GABRA2: variants seen among roughly 807,000 people sequenced by gnomAD.
GABRA2 encodes the protein gamma-aminobutyric acid type A receptor subunit alpha2.
In GABRA2, 16 loss-of-function variants were observed where a neutral mutation model predicts 48.7. That is an observed-to-expected ratio of 0.33 (90% CI 0.22 to 0.50). GABRA2 has a LOEUF of 0.50. GABRA2 is among the 20% of genes least tolerant of loss of function. GABRA2 has a pLI of 0.98. For missense variants in GABRA2, 275 were observed against 535.6 expected, an observed-to-expected ratio of 0.51 and a Z score of 4.80; for synonymous variants, 185 against 184.5, an observed-to-expected ratio of 1.00 and a Z score of -0.02.
Position 46,389,802 on chromosome 4 carries a change from G to GGAGAGAGAGAGAGAGAGAGA in GABRA2, c.-98_-79dup, listed in dbSNP as rs11503017. The GGAGAGAGAGAGAGAGAGAGA allele has an allele frequency of 7.5e-6, 2 of 268,270 alleles. No individual in the cohort carries two copies. The highest frequency in any genetic ancestry group is 5.3e-4 in the East Asian group (1 of 1,892). The allele number at this position is 268,270 out of a possible 1,614,324, so 16.6% of individuals were successfully genotyped here. A position where few individuals can be genotyped will look rare whatever the true frequency, so the allele number is the denominator to read the frequency against. ...TGATCTTGACGAGATAGGAAACTTG[G>GGAGAGAGAGAGAGAGAGAGA]GAGAGAGAGAGAGAGAGAGAGAGAG... On this transcript the variant is annotated 5_prime_UTR_variant, in exon 1 of 10. Coordinates refer to ENST00000381620, the MANE Select transcript of GABRA2 (RefSeq NM_000807.4).
chr4:46,341,525 CTAA>C (rs1489201645), intron 3 of GABRA2, among the ~76,000 whole-genome samples: 1 of 151,932 alleles, frequency 6.6e-6, no homozygotes, highest in Non-Finnish European at 1.5e-5. Flanking sequence ...GAAGTCTCTG[CTAA>C]TAATAGCAGT....
At chr4:46,381,091 C>T (rs1716694519) in intron 3 of GABRA2, among the ~76,000 whole-genome samples, 1 of 152,144 alleles carries the variant, frequency 6.6e-6, no homozygotes, top group South Asian at 2.1e-4. Context: ...AAGCATGGTG[C>T]TCAATCTAGA....
In GABRA2 at chr4:46,247,566, A is replaced by G. The variant is rs1388278814; in HGVS notation, c.*2742T>C. On this transcript the variant is annotated 3_prime_UTR_variant, in exon 10 of 10. Coordinates refer to ENST00000381620, the MANE Select transcript of GABRA2 (RefSeq NM_000807.4). ...ATTATATCTCTATATATGTACATGT[A>G]TTTATCTACATTTTGTACATACCAT... Among the ~76,000 whole-genome samples the G allele has an allele frequency of 6.6e-6, 1 of 151,200 alleles. No individual in the cohort carries two copies. The highest frequency in any genetic ancestry group is 2.4e-5 in the African/African-American group (1 of 41,336).
intron 4 of GABRA2, among the ~76,000 whole-genome samples, chr4:46,321,200 C>T (rs1237647244): frequency 6.6e-6 from 1 of 151,760 alleles, no homozygotes; most frequent in Admixed American, 6.6e-5. Context: ...TGTTTGAATA[C>T]ATAGAATAAA....
At chr4:46,275,818 G>A (rs1720382563) in intron 8 of GABRA2, among the ~76,000 whole-genome samples, 1 of 151,944 alleles carries the variant, frequency 6.6e-6, no homozygotes, top group African/African-American at 2.4e-5. Context: ...CATCATTAGA[G>A]AATTTTTATC....
At chr4:46,267,240 C>T (rs1718431742) in intron 8 of GABRA2, among the ~76,000 whole-genome samples, 3 of 151,918 alleles carry the variant, frequency 2.0e-5, no homozygotes, top group Non-Finnish European at 4.4e-5. Flanking sequence ...TGCTGGTAAG[C>T]CCCTCTAGTG....
rs192601489 is a variant in GABRA2, at chr4:46,385,640, G to A, written c.187+434C>T. Among the ~76,000 whole-genome samples the A allele has an allele frequency of 1.6e-3, 236 of 152,032 alleles. 1 individual carries two copies. The highest frequency in any genetic ancestry group is 0.012 in the Admixed American group (189 of 15,282). On this transcript the variant is annotated intron_variant, in intron 3 of 9. Transcript: ENST00000381620. ...TCATAGAATGCTAAAAAGTGTATTCGTTAAAATACAACCACTATATTCTTA... is the reference window on the plus strand; with the variant it reads ...TCATAGAATGCTAAAAAGTGTATTCATTAAAATACAACCACTATATTCTTA...
At chr4:46,337,551 A>G (rs1470738417) in intron 3 of GABRA2, among the ~76,000 whole-genome samples, 3 of 151,692 alleles carry the variant, frequency 2.0e-5, no homozygotes, top group Admixed American at 1.3e-4. Context: ...AGGGCTATGT[A>G]ACCAGATATA....
chr4:46,260,821 TATAAA>T (rs896286446), intron 9 of GABRA2: 2 of 151,940 alleles, frequency 1.3e-5, no homozygotes, highest in African/African-American at 4.8e-5. Context: ...AAACACAACT[TATAAA>T]ATGAAATAAA....
chr4:46,279,419 T>A (rs1370192684), intron 8 of GABRA2, among the ~76,000 whole-genome samples: 1 of 152,170 alleles, frequency 6.6e-6, no homozygotes, highest in East Asian at 1.9e-4. Flanking sequence ...ACTTATTGTC[T>A]CACACCTATA....
At chr4:46,260,381 G>A (rs1281408919) in intron 9 of GABRA2, among the ~76,000 whole-genome samples, 1 of 151,924 alleles carries the variant, frequency 6.6e-6, no homozygotes, top group African/African-American at 2.4e-5. Flanking sequence ...TACATGAGGA[G>A]TAAGCTATTG....
chr4:46,265,205 T>C (rs1413975304), intron 8 of GABRA2, among the ~76,000 whole-genome samples: 1 of 149,108 alleles, frequency 6.7e-6, no homozygotes, highest in Non-Finnish European at 1.5e-5. Flanking sequence ...CCAACTAGTT[T>C]TCGTATTTTT....
In GABRA2 at chr4:46,247,625, A is replaced by G. The variant is rs1713958979; in HGVS notation, c.*2683T>C. 6.6e-6 allele frequency among the ~76,000 whole-genome samples: 1 copy of G among 151,322 alleles called. No homozygotes were observed. Among genetic ancestry groups the G allele is most frequent in the Admixed American group, 6.6e-5 (1 of 15,122 alleles). On this transcript the variant is annotated 3_prime_UTR_variant, in exon 10 of 10. Coordinates refer to ENST00000381620, the MANE Select transcript of GABRA2 (RefSeq NM_000807.4). ...ATGTCATTGTACAACTGCATAAAATAGGTATAATCTTATGGGCCAAAGAGA... is the reference window on the plus strand; with the variant it reads ...ATGTCATTGTACAACTGCATAAAATGGGTATAATCTTATGGGCCAAAGAGA...
chr4:46,361,637 G>A (rs973527200), intron 3 of GABRA2, among the ~76,000 whole-genome samples: 2 of 152,154 alleles, frequency 1.3e-5, no homozygotes, highest in African/African-American at 4.8e-5. Context: ...TGAGAAGAGG[G>A]CCACCATCCT....
intron 3 of GABRA2, among the ~76,000 whole-genome samples, chr4:46,344,037 GCT>G (rs1317204463): frequency 6.6e-6 from 1 of 151,956 alleles, no homozygotes; most frequent in Admixed American, 6.6e-5. Flanking sequence ...GTTCCATGAT[GCT>G]AGCTATTACT....
At chr4:46,260,884 G>T (rs912841576) in intron 9 of GABRA2, 1 of 151,734 alleles carries the variant, frequency 6.6e-6, no homozygotes, top group African/African-American at 2.4e-5. Context: ...TAAGGAAAAA[G>T]ACCAAGACTT....
intron 3 of GABRA2, among the ~76,000 whole-genome samples, chr4:46,337,313 T>C (rs899197134): frequency 6.6e-6 from 1 of 152,002 alleles, no homozygotes; most frequent in Non-Finnish European, 1.5e-5. Flanking sequence ...GCAAAGTAAA[T>C]ATCCGAGGCA....
intron 8 of GABRA2, among the ~76,000 whole-genome samples, chr4:46,294,762 C>A (rs1471457236): frequency 1.3e-5 from 2 of 152,022 alleles, no homozygotes; most frequent in African/African-American, 2.4e-5. Flanking sequence ...TTTTGAGAGA[C>A]AGCTCTTGGC....
chr4:46,377,735 G>A (rs1578223067), intron 3 of GABRA2, among the ~76,000 whole-genome samples: 2 of 143,536 alleles, frequency 1.4e-5, no homozygotes, highest in East Asian at 4.4e-4. Context: ...GAGGTGGGGG[G>A]GGTCAGCCCC....
Sources: gnomAD v4.1 joint callset for allele counts (sites outside exome capture counted in the v4.1 genomes callset) on GRCh38, gnomAD v4.1.1 for gene constraint, MANE v1.5 for transcripts, NCBI Gene and HGNC (gene_info 2026-07-23, HGNC 2026-07-21) for gene names.